RAI1: variants seen among roughly 807,000 people sequenced by gnomAD.
RAI1 encodes the protein retinoic acid induced 1.
Under a neutral mutation model 123.8 loss-of-function variants are expected in RAI1, and 9 were observed. The observed-to-expected ratio is 0.07, with a 90% confidence interval of 0.04 to 0.13. The LOEUF (loss-of-function observed/expected upper bound fraction) is 0.13, where lower values mean the gene tolerates loss of function less well. Ranked by LOEUF, RAI1 falls within the 10% of genes least tolerant of loss-of-function variation. The probability of loss-of-function intolerance (pLI) is 1.00; values close to 1 mark genes in which losing one functional copy is unlikely to be tolerated. For synonymous variants in RAI1, 1,231 were observed against 1,127.3 expected, an observed-to-expected ratio of 1.09 and a Z score of -1.84; for missense variants, 2,256 against 2,545.8, an observed-to-expected ratio of 0.89 and a Z score of 2.45.
At chr17:17,743,721 G>T (rs1916716848) in intron 2 of RAI1, among the ~76,000 whole-genome samples, 1 of 152,256 alleles carries the variant, frequency 6.6e-6, no homozygotes, top group Non-Finnish European at 1.5e-5. Context: ...CACATGCACG[G>T]CTCCCGTCCT....
At chr17:17,737,465 G>A (rs1360221865) in intron 2 of RAI1, among the ~76,000 whole-genome samples, 1 of 152,188 alleles carries the variant, frequency 6.6e-6, no homozygotes, top group Non-Finnish European at 1.5e-5. Context: ...ACCAGAGGGA[G>A]GCCAGAGCTG....
In RAI1 at chr17:17,798,893, G is replaced by A. The variant is rs578150931; in HGVS notation, c.5565+380G>A. Among the ~76,000 whole-genome samples, 14 of 152,306 alleles carry A rather than the reference G, an allele frequency of 9.2e-5. No homozygotes were observed. The South Asian group carries it at 1.0e-3, about 11-fold the overall frequency. ...GAGGACTCCCAAGATTGAACATCAG[G>A]GCTGCCCCGGGCGGTGCAAGAGCAA... is the stretch of plus-strand genomic sequence containing the variant. On this transcript the variant is annotated intron_variant, in intron 3 of 5. Transcript: ENST00000353383.
chr17:17,717,889 G>A (rs989536467), intron 1 of RAI1, among the ~76,000 whole-genome samples: 2 of 152,140 alleles, frequency 1.3e-5, no homozygotes, highest in Non-Finnish European at 2.9e-5. Flanking sequence ...GGTCAAGGGG[G>A]GCTTAGACTC....
chr17:17,694,531 C>G (rs527833376), intron 1 of RAI1, among the ~76,000 whole-genome samples: 1 of 152,296 alleles, frequency 6.6e-6, no homozygotes, highest in Admixed American at 6.5e-5. Context: ...GCTCCACGCT[C>G]GCCTCCGAGG....
chr17:17,728,906 C>T (rs1916180517), intron 2 of RAI1, among the ~76,000 whole-genome samples: 1 of 152,220 alleles, frequency 6.6e-6, no homozygotes, highest in East Asian at 1.9e-4. Context: ...TCTGCAGGAC[C>T]CCTGGGAGGC....
chr17:17,686,608 T>TGTGTGTGTGTGCGC (rs1491248703), intron 1 of RAI1, among the ~76,000 whole-genome samples: 10 of 137,852 alleles, frequency 7.3e-5, no homozygotes, highest in African/African-American at 2.8e-4. Context: ...TGTGTGTGTG[T>TGTGTGTGTGTGCGC]GCACGCGCGC....
chr17:17,809,932 G>A lies in RAI1; in HGVS notation c.5710-38G>A, dbSNP rs372273421. On this transcript the variant is annotated intron_variant, in intron 5 of 5. Transcript: ENST00000353383. This position sits in a 1 kb window ranked among gnomAD's most constrained non-coding sequence, Gnocchi z 4.9. Reference sequence around the variant, plus strand: ...GCGGGGCCTATGGACTGTGAAGTCCGAGGTCGTCGGTAACTGGCGGGCGGG... The same window carrying A: ...GCGGGGCCTATGGACTGTGAAGTCCAAGGTCGTCGGTAACTGGCGGGCGGG... 7 of 1,558,888 alleles carry A rather than the reference G, an allele frequency of 4.5e-6. No individual in the cohort carries two copies. In the African/African-American group the frequency reaches 8.2e-5, roughly 18 times the overall value.
At chr17:17,769,550 C>A (rs2031066468) in intron 2 of RAI1, among the ~76,000 whole-genome samples, 1 of 152,226 alleles carries the variant, frequency 6.6e-6, no homozygotes, top group African/African-American at 2.4e-5. Context: ...AGGGGCCACA[C>A]AGGGCAGAGG....
chr17:17,781,892 C>T (rs1322208175), intron 2 of RAI1, among the ~76,000 whole-genome samples: 1 of 152,098 alleles, frequency 6.6e-6, no homozygotes, highest in Non-Finnish European at 1.5e-5. Flanking sequence ...CGTAAATGAC[C>T]GAAGAAGGGT....
chr17:17,716,647 T>G (rs1279596713), intron 1 of RAI1, among the ~76,000 whole-genome samples: 2 of 152,206 alleles, frequency 1.3e-5, no homozygotes, highest in African/African-American at 4.8e-5. Context: ...GGGCTGCGTA[T>G]GAGGTAACTG....
At chr17:17,689,267 A>G (rs186398553) in intron 1 of RAI1, among the ~76,000 whole-genome samples, 1 of 152,244 alleles carries the variant, frequency 6.6e-6, no homozygotes, top group East Asian at 1.9e-4. Flanking sequence ...CCGGCCAATT[A>G]TTCTTCTTCC....
At chr17:17,792,824 C>A in intron 2 of RAI1, 109 bp from the exon 3 acceptor site, 3 of 925,458 alleles carry the variant, frequency 3.2e-6, no homozygotes, top group South Asian at 3.0e-5. Context: ...AGGGTGCTTT[C>A]TGAGGCAAAA....
intron 2 of RAI1, among the ~76,000 whole-genome samples, chr17:17,760,133 T>C (rs1269423611): frequency 6.6e-6 from 1 of 152,224 alleles, no homozygotes; most frequent in Non-Finnish European, 1.5e-5. Context: ...CCCCACCTGC[T>C]GCCAGCCCTG....
At chr17:17,765,998 C>T (rs1338881533) in intron 2 of RAI1, 7 of 152,376 alleles carry the variant, frequency 4.6e-5, no homozygotes, top group African/African-American at 1.7e-4. Flanking sequence ...TGCCTTTGAA[C>T]TTGGATTCAT....
At chr17:17,701,101 G>A (rs555206961) in intron 1 of RAI1, among the ~76,000 whole-genome samples, 15 of 152,102 alleles carry the variant, frequency 9.9e-5, no homozygotes, top group Admixed American at 2.0e-4. Flanking sequence ...CCTCCAACAA[G>A]ATGAGCCCCT....
rs781334124 is a variant in RAI1 at position 17,793,732 on chromosome 17, C to A, written c.784C>A (p.Arg262=). 3.1e-6 allele frequency: 5 copies of A among 1,612,864 alleles called. No individual in the cohort carries two copies. The East Asian group carries it at 1.1e-4, about 36-fold the overall frequency. ...CAGCTCCAGCCTGGCCCCGGGGCAG[C>A]GGGTCCAGAATCTTCATGCCTACCA... ...TASSSLAPGQ[R]VQNLHAYQSG... The change falls in exon 3 of 6, where the codon CGG becomes AGG. Residue 262 remains arginine, a synonymous_variant. Coordinates refer to ENST00000353383, the MANE Select transcript of RAI1 (RefSeq NM_030665.4).
At chr17:17,749,314 C>G (rs972036389) in intron 2 of RAI1, among the ~76,000 whole-genome samples, 1 of 152,332 alleles carries the variant, frequency 6.6e-6, no homozygotes, top group Admixed American at 6.5e-5. Flanking sequence ...AGCAACTCTC[C>G]CTCCCTGCTC....
Position 17,685,732 on chromosome 17 carries a change from T to C in RAI1, c.-149+3939T>C, listed in dbSNP as rs1359395547. On this transcript the variant is annotated intron_variant, in intron 1 of 5. Coordinates refer to ENST00000353383, the MANE Select transcript of RAI1 (RefSeq NM_030665.4). The surrounding 1 kb of genome is among the most constrained non-coding windows in gnomAD (Gnocchi z 4.0). ...ACCTCCAGTGGCTCCTGCTGCCTTATGAATAAAGGTCCCATCTGTAGTTCT... is the reference window on the plus strand; with the variant it reads ...ACCTCCAGTGGCTCCTGCTGCCTTACGAATAAAGGTCCCATCTGTAGTTCT... Among the ~76,000 whole-genome samples, 1 of 152,158 alleles carries C rather than the reference T, an allele frequency of 6.6e-6. No homozygotes were observed. The highest frequency in any genetic ancestry group is 1.5e-5 in the Non-Finnish European group (1 of 68,010).
chr17:17,719,933 T>G (rs1341683574), intron 1 of RAI1, among the ~76,000 whole-genome samples: 1 of 152,200 alleles, frequency 6.6e-6, no homozygotes, highest in African/African-American at 2.4e-5. Context: ...GGCCCACATC[T>G]GACCTCAGGC....
Sources: gnomAD v4.1 joint callset for allele counts (sites outside exome capture counted in the v4.1 genomes callset) on GRCh38, gnomAD v4.1.1 for gene constraint, Gnocchi (gnomAD v3.1) non-coding constraint, MANE v1.5 for transcripts, NCBI Gene and HGNC (gene_info 2026-07-23, HGNC 2026-07-21) for gene names.